The following SLMAP variants were observed in gnomAD, a reference collection of about 807,000 sequenced individuals.
SLMAP encodes the protein sarcolemma associated protein, also known as sarcolemmal membrane-associated protein.
A neutral mutation model predicts 128.8 loss-of-function variants in SLMAP; 44 were observed. That is an observed-to-expected ratio of 0.34 (90% confidence interval 0.27 to 0.44). The LOEUF (loss-of-function observed/expected upper bound fraction) is 0.44, where lower values mean the gene tolerates loss of function less well. SLMAP is among the 20% of genes least tolerant of loss of function. The pLI, the probability that SLMAP is intolerant of heterozygous loss-of-function variation, is 1.00. For missense variants in SLMAP, 787 were observed against 985.3 expected, an observed-to-expected ratio of 0.80 and a Z score of 2.69; for synonymous variants, 327 against 348.8, an observed-to-expected ratio of 0.94 and a Z score of 0.70.
chr3:57,906,310 C>CTTTTCTTTTTTTTT (rs2096548548), intron 17 of SLMAP, among the ~76,000 whole-genome samples: 1 of 47,046 alleles, frequency 2.1e-5, no homozygotes, highest in Admixed American at 2.8e-4. Context: ...CTTTTTTTTT[C>CTTTTCTTTTTTTTT]TTTTTTTTTT....
At chr3:57,906,310 C>CTT (rs999042505) in intron 17 of SLMAP, among the ~76,000 whole-genome samples, 1,489 of 46,944 alleles carry the variant, frequency 0.032, 235 homozygotes, top group Non-Finnish European at 0.048. Flanking sequence ...CTTTTTTTTT[C>CTT]TTTTTTTTTT....
intron 5 of SLMAP, among the ~76,000 whole-genome samples, chr3:57,847,791 A>G (rs1560219216): frequency 1.3e-5 from 2 of 152,176 alleles, no homozygotes; most frequent in South Asian, 2.1e-4. Context: ...ATCTTTTGAC[A>G]TTAATGTGAG....
chr3:57,773,642 C>T (rs1256456642), intron 2 of SLMAP, among the ~76,000 whole-genome samples: 1 of 152,156 alleles, frequency 6.6e-6, no homozygotes, highest in Non-Finnish European at 1.5e-5. Context: ...AATAACTAAA[C>T]TAGTATGTCC....
intron 2 of SLMAP, among the ~76,000 whole-genome samples, chr3:57,829,443 C>T (rs77957995): frequency 0.035 from 5,279 of 151,946 alleles, 134 homozygotes; most frequent in Non-Finnish European, 0.055. Flanking sequence ...AGAATCCAGA[C>T]ATTACCACAT....
At chr3:57,789,903 C>T (rs1175331749) in intron 2 of SLMAP, among the ~76,000 whole-genome samples, 1 of 152,158 alleles carries the variant, frequency 6.6e-6, no homozygotes, top group African/African-American at 2.4e-5. Flanking sequence ...ATGGCATGAT[C>T]TCGGCTCACT....
chr3:57,846,452 T>C (rs1439606279), intron 4 of SLMAP, among the ~76,000 whole-genome samples: 1 of 152,226 alleles, frequency 6.6e-6, no homozygotes, highest in Non-Finnish European at 1.5e-5. Context: ...GTTTCCAAAT[T>C]ATAACCTTGC....
chr3:57,878,682 A>G (rs1484085080), intron 14 of SLMAP, among the ~76,000 whole-genome samples: 1 of 152,230 alleles, frequency 6.6e-6, no homozygotes, highest in Non-Finnish European at 1.5e-5. Flanking sequence ...TGCATGACAC[A>G]CTGAAATGTA....
In SLMAP at chr3:57,929,362, CTCTTT is replaced by C. The variant is rs1163121325; in HGVS notation, c.*2075_*2079del. ...ATTTAACTTACTGCTTTATTTTTTT[CTCTTT>C]TAATATGGTTATTGTTAAAATGAGA... On this transcript the variant is annotated 3_prime_UTR_variant, in exon 25 of 25. Transcript: ENST00000671191. Among the ~76,000 whole-genome samples, 1 of 152,074 alleles carries C rather than the reference CTCTTT, an allele frequency of 6.6e-6. No individual in the cohort carries two copies. Among genetic ancestry groups the C allele is most frequent in the Non-Finnish European group, 1.5e-5 (1 of 67,980 alleles).
At chr3:57,883,164 A>G (rs752420096) in intron 14 of SLMAP, among the ~76,000 whole-genome samples, 40 of 152,210 alleles carry the variant, frequency 2.6e-4, no homozygotes, top group Non-Finnish European at 4.4e-4. Flanking sequence ...TAGTTGCAAT[A>G]TACCTTAAGA....
intron 23 of SLMAP, among the ~76,000 whole-genome samples, chr3:57,924,957 GTTTTTTT>G (rs547751743): frequency 2.9e-5 from 4 of 136,822 alleles, no homozygotes; most frequent in Admixed American, 1.5e-4. Flanking sequence ...TTTGTTTTTT[GTTTTTTT>G]TTTTTTTGGT....
intron 3 of SLMAP, among the ~76,000 whole-genome samples, chr3:57,836,461 A>G (rs981854087): frequency 1.3e-5 from 2 of 152,194 alleles, no homozygotes; most frequent in African/African-American, 4.8e-5. Context: ...GGTTCATATT[A>G]GTGTCATTTC....
intron 6 of SLMAP, among the ~76,000 whole-genome samples, chr3:57,856,541 C>T (rs2094799637): frequency 6.6e-6 from 1 of 152,160 alleles, no homozygotes; most frequent in East Asian, 1.9e-4. Context: ...TCCACCTCCA[C>T]ATCATATCCC....
chr3:57,900,669 T>G (rs1332889023), intron 17 of SLMAP: 1 of 152,692 alleles, frequency 6.5e-6, no homozygotes, highest in African/African-American at 2.4e-5. Flanking sequence ...TAGCCAGGCA[T>G]GGTGGTGCAT....
intron 23 of SLMAP, among the ~76,000 whole-genome samples, chr3:57,923,993 T>C (rs1185368229): frequency 6.6e-6 from 1 of 152,230 alleles, no homozygotes; most frequent in African/African-American, 2.4e-5. Flanking sequence ...GCATTTACTT[T>C]TCAAAATGTA....
chr3:57,859,447 C>T (rs1446395688), intron 8 of SLMAP, among the ~76,000 whole-genome samples: 1 of 151,790 alleles, frequency 6.6e-6, no homozygotes, highest in East Asian at 1.9e-4. Flanking sequence ...CCTAGCTACT[C>T]GGGAGGCTTA....
chr3:57,911,855 G>C (rs9849219), intron 19 of SLMAP, among the ~76,000 whole-genome samples: 5 of 148,762 alleles, frequency 3.4e-5, no homozygotes, highest in African/African-American at 1.2e-4. Context: ...ACGAATCAAG[G>C]GCGTCAACTG....
intron 16 of SLMAP, 46 bp from the exon 17 acceptor site, chr3:57,896,827 C>A: frequency 6.5e-7 from 1 of 1,550,106 alleles, no homozygotes. Flanking sequence ...GCTGATAGAT[C>A]TGAATACTGT....
intron 13 of SLMAP, among the ~76,000 whole-genome samples, chr3:57,869,630 T>A (rs1042685099): frequency 4.0e-5 from 3 of 75,472 alleles, no homozygotes; most frequent in African/African-American, 1.5e-4. Flanking sequence ...CCCATCTCTA[T>A]TATATATATA....
At chr3:57,861,900 A>C in intron 9 of SLMAP, 49 bp from the exon 10 acceptor site, 1 of 1,501,760 alleles carries the variant, frequency 6.7e-7, no homozygotes, top group South Asian at 1.2e-5. Context: ...ATTCTAAATA[A>C]CAAATATACA....
Sources: allele counts gnomAD v4.1 joint callset (sites outside exome capture counted in the v4.1 genomes callset), GRCh38; gene constraint gnomAD v4.1.1; transcripts MANE v1.5; gene names NCBI Gene and HGNC (gene_info 2026-07-23, HGNC 2026-07-21).